SETD4: variants seen among roughly 807,000 people sequenced by gnomAD.
The protein encoded by SETD4 is SET domain-containing protein 4.
In SETD4, 46 loss-of-function variants were observed where a neutral mutation model predicts 58.3. The observed-to-expected ratio is 0.79, with a 90% CI of 0.62 to 1.01. SETD4 has a LOEUF of 1.01. SETD4 is among the 50% of genes least tolerant of loss of function. SETD4 has a pLI of 0.00. For missense variants in SETD4, 490 were observed against 523.3 expected (o/e 0.94, Z 0.62); for synonymous variants, 190 against 202.6 (o/e 0.94, Z 0.53).
Position 36,041,886 on chromosome 21 carries a change from T to A in SETD4, c.904A>T (p.Ile302Leu). Reference protein sequence around the residue: ...PHACVYVSREILVKYLPSTDK... With the variant: ...PHACVYVSRELLVKYLPSTDK... Reference sequence around the variant, plus strand: ...GTTGATGGAAGATATTTAACAAGTATTTCTATATTCAAAAAAAAAAATCAG... The same window carrying A: ...GTTGATGGAAGATATTTAACAAGTAATTCTATATTCAAAAAAAAAAATCAG... The change falls in exon 8 of 12, where the codon ATA (isoleucine) becomes TTA (leucine). Residue 302 changes from isoleucine to leucine, a missense_variant and splice_region_variant. By Grantham distance (5) the Ile-to-Leu change is conservative (BLOSUM62 2). Transcript: ENST00000332131. The A allele has an allele frequency of 7.2e-7, 1 of 1,379,430 alleles. No homozygotes were observed. Among genetic ancestry groups the A allele is most frequent in the South Asian group, 1.4e-5 (1 of 73,602 alleles). 85.4% of individuals were successfully genotyped at this position (1,379,430 alleles called of 1,614,324 possible).
chr21:36,040,853 AT>A (rs1380372031), intron 8 of SETD4, among the ~76,000 whole-genome samples, 198 bp from the exon 9 acceptor site: 1 of 151,670 alleles, frequency 6.6e-6, no homozygotes, highest in Non-Finnish European at 1.5e-5. Context: ...TTCTCTCCCC[AT>A]TTTTTTTCTA....
At chr21:36,058,498 T>C (rs1456339488) in intron 2 of SETD4, among the ~76,000 whole-genome samples, 2 of 125,202 alleles carry the variant, frequency 1.6e-5, no homozygotes, top group Admixed American at 8.5e-5. Flanking sequence ...AGAATGTACC[T>C]TGTCTCCAAA....
At chr21:36,048,494 G>C (rs1394259137) in intron 4 of SETD4, 98 bp from the exon 5 acceptor site, 1 of 971,004 alleles carries the variant, frequency 1.0e-6, no homozygotes, top group Non-Finnish European at 1.7e-6. Flanking sequence ...TCACCTACCA[G>C]TAACCCACTG....
chr21:36,041,621 G>C (rs2064064795), intron 8 of SETD4, among the ~76,000 whole-genome samples, 186 bp downstream of exon 8: 1 of 152,072 alleles, frequency 6.6e-6, no homozygotes, highest in Non-Finnish European at 1.5e-5. Context: ...TCTTTCAAGT[G>C]TCTTATACTC....
chr21:36,041,748 A>G, intron 8 of SETD4, 59 bp downstream of exon 8: 1 of 1,243,300 alleles, frequency 8.0e-7, no homozygotes, highest in Non-Finnish European at 1.1e-6. Flanking sequence ...ATTTAACCCC[A>G]GGTTTTCCAT....
intron 4 of SETD4, chr21:36,050,587 G>A: frequency 6.2e-7 from 1 of 1,613,796 alleles, no homozygotes; most frequent in South Asian, 1.1e-5. Context: ...GAGTTGGCTG[G>A]CCATGGTGTT....
In SETD4 at chr21:36,048,318, A is replaced by T; in HGVS notation, c.286T>A (p.Tyr96Asn). 6.2e-7 allele frequency: 1 copy of T among 1,614,120 alleles called. No individual in the cohort carries two copies. Among genetic ancestry groups the T allele is most frequent in the Non-Finnish European group, 8.5e-7 (1 of 1,179,974 alleles). ...TGTGTGGTCACTTACTTAGTAATGTATGCCCCTAAGTAGCTTCGAATCACT... is the reference window on the plus strand; with the variant it reads ...TGTGTGGTCACTTACTTAGTAATGTTTGCCCCTAAGTAGCTTCGAATCACT... Reference protein sequence around the residue: ...DTVIRSYLGAYITKWKPPPSP... With the variant: ...DTVIRSYLGANITKWKPPPSP... The change falls in exon 5 of 12, where the codon TAC becomes AAC. Residue 96 changes from tyrosine to asparagine, a missense_variant. Physicochemically the swap from Tyr to Asn is moderately radical, Grantham distance 143. Transcript: ENST00000332131.
chr21:36,038,174 T>C lies in SETD4; in HGVS notation c.1164A>G (p.Glu388=). 2 of 1,613,796 alleles carry C rather than the reference T, an allele frequency of 1.2e-6. No homozygotes were observed. Among genetic ancestry groups the C allele is most frequent in the Non-Finnish European group, 1.7e-6 (2 of 1,179,874 alleles). ...CCTTTTGAAGCACAGCATTAGTCTCTTCTATGAAATAATAGCATATTTTCT... is the reference window on the plus strand; with the variant it reads ...CCTTTTGAAGCACAGCATTAGTCTCCTCTATGAAATAATAGCATATTTTCT... ...IAQKICYYFI[E]ETNAVLQKVS... is the part of the protein sequence containing the mutation. Residue 388 remains glutamate (E), a synonymous_variant, in exon 10 of 12, where the codon GAA becomes GAG. Coordinates refer to ENST00000332131, the MANE Select transcript of SETD4 (RefSeq NM_017438.5).
intron 5 of SETD4, among the ~76,000 whole-genome samples, chr21:36,048,098 AG>A (rs2064439589): frequency 5.1e-5 from 3 of 59,270 alleles, no homozygotes; most frequent in African/African-American, 1.3e-4. Context: ...GGAGGGAGGG[AG>A]GGAGGAAGGC....
chr21:36,043,876 G>C lies in SETD4; in HGVS notation c.807C>G (p.Phe269Leu). The change falls in exon 7 of 12, where the codon TTC (phenylalanine) becomes TTG (leucine). Residue 269 changes from phenylalanine (F) to leucine (L), a missense_variant. Transcript: ENST00000332131. ...TSRWRKHEEV[F>L]ICYGPHDNQR... is the part of the protein sequence containing the mutation. Reference sequence around the variant, plus strand: ...GATTATCGTGAGGGCCGTAACAGATGAATACCTCTTCATGCTTTCTCCAAC... The same window carrying C: ...GATTATCGTGAGGGCCGTAACAGATCAATACCTCTTCATGCTTTCTCCAAC... 6.2e-7 allele frequency: 1 copy of C among 1,614,200 alleles called. No individual in the cohort carries two copies. The highest frequency in any genetic ancestry group is 8.5e-7 in the Non-Finnish European group (1 of 1,180,042).
intron 10 of SETD4, 87 bp downstream of exon 10, chr21:36,038,063 A>T: frequency 7.0e-7 from 1 of 1,418,602 alleles, no homozygotes. Context: ...TGCTCTTATG[A>T]AATGCACTAT....
Position 36,035,016 on chromosome 21 carries a change from T to G in SETD4, c.*977A>C, listed in dbSNP as rs1249995079. On this transcript the variant is annotated 3_prime_UTR_variant, in exon 12 of 12. Transcript: ENST00000332131. ...AGGCCAGCAGGTCCCGTTCATTTGG[T>G]TTCACTAGGCTCCAATGAGAAAGGA... The G allele has an allele frequency of 2.0e-5, 3 of 152,176 alleles. No individual in the cohort carries two copies. The highest frequency in any genetic ancestry group is 4.4e-5 in the Non-Finnish European group (3 of 68,024). 9.4% of individuals were successfully genotyped at this position (152,176 alleles called of 1,614,324 possible). A position where few individuals can be genotyped will look rare whatever the true frequency, so the allele number is the denominator to read the frequency against.
chr21:36,058,610 T>C (rs781264013), intron 2 of SETD4, among the ~76,000 whole-genome samples: 84 of 152,132 alleles, frequency 5.5e-4, no homozygotes, highest in Admixed American at 8.5e-4. Context: ...CCCAGCTACT[T>C]GGGAGGCTGA....
rs965203376 is a variant in SETD4, at chr21:36,043,862, G to C, written c.821C>G (p.Pro274Arg). 19 of 1,614,078 alleles carry C rather than the reference G, an allele frequency of 1.2e-5. No individual in the cohort carries two copies. The Admixed American group carries it at 2.5e-4, about 21-fold the overall frequency. ...CAGGAACAGCCGTTGATTATCGTGAGGGCCGTAACAGATGAATACCTCTTC... is the reference window on the plus strand; with the variant it reads ...CAGGAACAGCCGTTGATTATCGTGACGGCCGTAACAGATGAATACCTCTTC... Reference protein sequence around the residue: ...KHEEVFICYGPHDNQRLFLEY... With the variant: ...KHEEVFICYGRHDNQRLFLEY... The change falls in exon 7 of 12, where the codon CCT (proline) becomes CGT (arginine). Residue 274 changes from proline (P) to arginine (R), a missense_variant. Pro to Arg is a moderately radical substitution (Grantham distance 103, BLOSUM62 -2). Transcript: ENST00000332131.
At chr21:36,048,430 A>G (rs370760600) in intron 4 of SETD4, 34 bp from the exon 5 acceptor site, 110 of 1,593,628 alleles carry the variant, frequency 6.9e-5, no homozygotes, top group Non-Finnish European at 9.0e-5. Flanking sequence ...GAGGACGCCT[A>G]TGCTTTGGGA....
intron 4 of SETD4, among the ~76,000 whole-genome samples, chr21:36,052,233 C>T (rs2064735368): frequency 6.6e-6 from 1 of 151,912 alleles, no homozygotes; most frequent in African/African-American, 2.4e-5. Flanking sequence ...CTCTTTTTAA[C>T]ACAACATTTT....
intron 4 of SETD4, among the ~76,000 whole-genome samples, chr21:36,050,005 G>A (rs762635403): frequency 1.3e-4 from 20 of 152,168 alleles, no homozygotes; most frequent in Non-Finnish European, 1.5e-5. Flanking sequence ...GGTTAAGATG[G>A]TAAGTTTTAT....
At position 36,038,253 on chromosome 21, in the gene SETD4, A is replaced by G; in HGVS notation, c.1085T>C (p.Leu362Pro). 1 of 1,613,486 alleles carries G rather than the reference A, an allele frequency of 6.2e-7. No homozygotes were observed. The highest frequency in any genetic ancestry group is 1.7e-5 in the Admixed American group (1 of 59,814). The change falls in exon 10 of 12, where the codon CTT becomes CCT. Residue 362 changes from leucine to proline, a missense_variant. Transcript: ENST00000332131. The stretch of plus-strand genomic sequence containing the variant: ...CGTATCTGAAATTACCTCCCCAAGA[A>G]GTACTTTTTTCCAGCATGTACTAGA... ...AEKFTCWKKVLLGEVISDTNE... is the reference protein window; with the variant it reads ...AEKFTCWKKVPLGEVISDTNE...
intron 10 of SETD4, chr21:36,036,715 A>T (rs1319226105): frequency 2.6e-6 from 2 of 780,648 alleles, no homozygotes; most frequent in African/African-American, 1.9e-5. Context: ...GAATGCTTGA[A>T]GTCACACAGT....
Sources: gnomAD v4.1 joint callset for allele counts (sites outside exome capture counted in the v4.1 genomes callset) on GRCh38, gnomAD v4.1.1 for gene constraint, MANE v1.5 for transcripts, NCBI Gene and HGNC (gene_info 2026-07-23, HGNC 2026-07-21) for gene names.